Variants in ASAP1 observed in about 807,000 individuals in gnomAD.
ASAP1 encodes arf-GAP with SH3 domain, ANK repeat and PH domain-containing protein 1.
Under a neutral mutation model 145.2 loss-of-function variants are expected in ASAP1, and 43 were observed. That is an observed-to-expected ratio of 0.30 (90% CI 0.23 to 0.38). The LOEUF (loss-of-function observed/expected upper bound fraction) is 0.38, where lower values mean the gene tolerates loss of function less well. Ranked by LOEUF, ASAP1 falls within the 10% of genes least tolerant of loss-of-function variation. ASAP1 has a pLI of 1.00. For synonymous variants in ASAP1, 546 were observed against 515.5 expected (o/e 1.06, Z -0.80); for missense variants, 1,018 against 1,355.3 (o/e 0.75, Z 3.91).
rs148053558 is a variant in ASAP1 at position 130,086,966 on chromosome 8, T to A, written c.2572+5007A>T. On this transcript the variant is annotated intron_variant, in intron 25 of 29. Coordinates refer to ENST00000518721, the MANE Select transcript of ASAP1 (RefSeq NM_018482.4). ...ACAAAACACTCAACATCAGCTGCCTTGCTTATTTCCTCCTGCCTATTCCAC... is the reference window on the plus strand; with the variant it reads ...ACAAAACACTCAACATCAGCTGCCTAGCTTATTTCCTCCTGCCTATTCCAC... 9.2e-5 allele frequency among the ~76,000 whole-genome samples: 14 copies of A among 152,304 alleles called. No homozygotes were observed. The East Asian group carries it at 2.7e-3, about 29-fold the overall frequency.
chr8:130,287,744 A>G lies in ASAP1; in HGVS notation c.187-50750T>C, dbSNP rs553368398. Reference sequence around the variant, plus strand: ...GTCAAAGGCCATAATTACATATTTAATAGAACATTATTATAGCAACTATTT... The same window carrying G: ...GTCAAAGGCCATAATTACATATTTAGTAGAACATTATTATAGCAACTATTT... On this transcript the variant is annotated intron_variant, in intron 3 of 29. Coordinates refer to ENST00000518721, the MANE Select transcript of ASAP1 (RefSeq NM_018482.4). Among the ~76,000 whole-genome samples, 4 of 152,312 alleles carry G rather than the reference A, an allele frequency of 2.6e-5. No individual in the cohort carries two copies. The East Asian group carries it at 7.7e-4, about 29-fold the overall frequency.
intron 1 of ASAP1, among the ~76,000 whole-genome samples, chr8:130,419,150 A>C (rs11786359): frequency 0.24 from 36,542 of 152,108 alleles, 5,386 homozygotes; most frequent in Non-Finnish European, 0.32. Flanking sequence ...CCGAGGCTTC[A>C]GTCAAACAGA....
rs1031443669 is a variant in ASAP1 at position 130,060,760 on chromosome 8, G to A, written c.3011C>T (p.Thr1004Ile). ...QLGDLLAKSQTGDVSPKAQQP... is the reference protein window; with the variant it reads ...QLGDLLAKSQIGDVSPKAQQP... ...CTGAGCCTTGGGTGAGACATCTCCA[G>A]TCTGGGATTTTGCTAGCAGGTCTCC... The change falls in exon 28 of 30, where the codon ACT becomes ATT. Residue 1004 changes from threonine (T) to isoleucine (I), a missense_variant. By Grantham distance (89) the Thr-to-Ile change is moderately conservative. Coordinates refer to ENST00000518721, the MANE Select transcript of ASAP1 (RefSeq NM_018482.4). The A allele has an allele frequency of 1.2e-6, 2 of 1,614,178 alleles. No homozygotes were observed. The highest frequency in any genetic ancestry group is 1.1e-5 in the South Asian group (1 of 91,078).
chr8:130,243,469 A>T (rs1156260251), intron 3 of ASAP1, among the ~76,000 whole-genome samples: 1 of 152,176 alleles, frequency 6.6e-6, no homozygotes, highest in Non-Finnish European at 1.5e-5. Flanking sequence ...GGAGGAAGAA[A>T]GGAAAGATGA....
chr8:130,425,057 G>C (rs1359959021), intron 1 of ASAP1, among the ~76,000 whole-genome samples: 1 of 149,778 alleles, frequency 6.7e-6, no homozygotes, highest in Non-Finnish European at 1.5e-5. Flanking sequence ...CAGGCCGGGC[G>C]CAATGGCTTA....
chr8:130,216,209 T>C (rs1469282243), intron 4 of ASAP1, among the ~76,000 whole-genome samples: 1 of 152,212 alleles, frequency 6.6e-6, no homozygotes, highest in South Asian at 2.1e-4. Context: ...TCATTTCCTT[T>C]AATTTTGTCT....
chr8:130,437,619 G>A (rs544823736), intron 1 of ASAP1, among the ~76,000 whole-genome samples: 7 of 149,688 alleles, frequency 4.7e-5, no homozygotes, highest in African/African-American at 1.8e-4. Context: ...TAGATAGATA[G>A]ACTAACTACA....
At chr8:130,290,171 A>G (rs1039379905) in intron 3 of ASAP1, among the ~76,000 whole-genome samples, 41 of 152,256 alleles carry the variant, frequency 2.7e-4, no homozygotes, top group Non-Finnish European at 1.6e-4. Flanking sequence ...ATAATACTGA[A>G]TCTATTTGCC....
intron 3 of ASAP1, among the ~76,000 whole-genome samples, chr8:130,294,878 T>C (rs1261435344): frequency 1.3e-5 from 2 of 152,208 alleles, no homozygotes; most frequent in East Asian, 3.8e-4. Context: ...GCCTTCTTTT[T>C]AAAATTAACA....
chr8:130,335,913 G>A (rs1000930297), intron 3 of ASAP1, among the ~76,000 whole-genome samples: 1 of 152,094 alleles, frequency 6.6e-6, no homozygotes, highest in African/African-American at 2.4e-5. Flanking sequence ...TAAGTTTCAG[G>A]ACACTAAAAG....
intron 3 of ASAP1, among the ~76,000 whole-genome samples, chr8:130,245,842 A>T (rs1413344249): frequency 1.3e-5 from 2 of 152,172 alleles, no homozygotes; most frequent in Non-Finnish European, 2.9e-5. Flanking sequence ...TGTTTATTAC[A>T]ATCACTTAAA....
At chr8:130,137,972 G>A (rs1248603268) in intron 13 of ASAP1, among the ~76,000 whole-genome samples, 6 of 152,232 alleles carry the variant, frequency 3.9e-5, no homozygotes, top group Non-Finnish European at 8.8e-5. Flanking sequence ...GAAGCCTGGA[G>A]AAATAAGCAA....
rs1052165152 is a variant in ASAP1, at chr8:130,115,464, T to A, written c.2172+164A>T. ...TCTGTTTCTCTGGACAACCTTAATA[T>A]AGCTGTTAAATGGTGCCCAATAAGG... On this transcript the variant is annotated intron_variant, in intron 23 of 29. Coordinates refer to ENST00000518721, the MANE Select transcript of ASAP1 (RefSeq NM_018482.4). 10 of 623,756 alleles carry A rather than the reference T, an allele frequency of 1.6e-5. No homozygotes were observed. In the Admixed American group the frequency reaches 2.7e-4, roughly 17 times the overall value. The allele number at this position is 623,756 out of a possible 1,614,324, so 38.6% of individuals were successfully genotyped here.
At chr8:130,390,301 T>C (rs1308451385) in intron 2 of ASAP1, among the ~76,000 whole-genome samples, 1 of 152,240 alleles carries the variant, frequency 6.6e-6, no homozygotes, top group Non-Finnish European at 1.5e-5. Context: ...AAAAGCCACA[T>C]GTGGCAGACA....
chr8:130,216,061 A>C (rs1034762910), intron 4 of ASAP1, among the ~76,000 whole-genome samples: 1 of 151,468 alleles, frequency 6.6e-6, no homozygotes, highest in African/African-American at 2.4e-5. Flanking sequence ...AAGAAAAGGA[A>C]AAAGGAAAGG....
intron 12 of ASAP1, among the ~76,000 whole-genome samples, chr8:130,158,768 G>A (rs2097663105): frequency 6.6e-6 from 1 of 150,980 alleles, no homozygotes; most frequent in Admixed American, 6.6e-5. Context: ...GTCTCGCACT[G>A]TTGCCCAGGC....
intron 3 of ASAP1, among the ~76,000 whole-genome samples, chr8:130,355,348 T>G (rs772503298): frequency 1.3e-5 from 2 of 152,228 alleles, no homozygotes; most frequent in Non-Finnish European, 2.9e-5. Flanking sequence ...GTTTTTCAGT[T>G]GCGCTCTATG....
At chr8:130,130,472 G>T (rs2135758787) in intron 15 of ASAP1, among the ~76,000 whole-genome samples, 1 of 152,198 alleles carries the variant, frequency 6.6e-6, no homozygotes, top group African/African-American at 2.4e-5. Flanking sequence ...ATTCAAATTT[G>T]GTGGAATGAA....
chr8:130,372,007 T>A (rs541086336), intron 2 of ASAP1, among the ~76,000 whole-genome samples: 130 of 152,338 alleles, frequency 8.5e-4, no homozygotes, highest in Non-Finnish European at 1.5e-3. Flanking sequence ...ACTAGTCCTC[T>A]GTGTTTGGGA....
Sources: gnomAD v4.1 joint callset for allele counts (sites outside exome capture counted in the v4.1 genomes callset) on GRCh38, gnomAD v4.1.1 for gene constraint, MANE v1.5 for transcripts, NCBI Gene and HGNC (gene_info 2026-07-23, HGNC 2026-07-21) for gene names.